Variants in PARD3B observed in about 807,000 individuals in gnomAD.
PARD3B encodes the protein partitioning defective 3 homolog B.
Under a neutral mutation model 130.2 loss-of-function variants are expected in PARD3B, and 103 were observed. That is an observed-to-expected ratio of 0.79 (90% CI 0.67 to 0.93). The LOEUF is 0.93. PARD3B is among the 40% of genes least tolerant of loss of function. PARD3B has a pLI of 0.00. For missense variants in PARD3B, 1,609 were observed against 1,499.2 expected, an observed-to-expected ratio of 1.07 and a Z score of -1.21; for synonymous variants, 583 against 553.2, an observed-to-expected ratio of 1.05 and a Z score of -0.76.
chr2:205,082,802 T>C (rs1263203451), intron 4 of PARD3B, among the ~76,000 whole-genome samples: 1 of 152,186 alleles, frequency 6.6e-6, no homozygotes, highest in Non-Finnish European at 1.5e-5. Context: ...GCCAATAAAT[T>C]TGAAGCCTTT....
At chr2:204,812,171 A>C (rs1375697703) in intron 2 of PARD3B, among the ~76,000 whole-genome samples, 1 of 152,204 alleles carries the variant, frequency 6.6e-6, no homozygotes, top group Non-Finnish European at 1.5e-5. Context: ...AATTATTTTG[A>C]GATTTAATGA....
In PARD3B at chr2:205,287,781, C is replaced by T. The variant is rs1325387734; in HGVS notation, c.2186-12749C>T. On this transcript the variant is annotated intron_variant, in intron 16 of 22. Transcript: ENST00000406610. The surrounding 1 kb of genome is among the most constrained non-coding windows in gnomAD (Gnocchi z 4.8). ...ACTCTTGCTGTTTCTCTGTGCGCTT[C>T]TCTGAGGTAGAGTAAAGCAAGTGTT... Among the ~76,000 whole-genome samples the T allele has an allele frequency of 1.3e-5, 2 of 152,148 alleles. No homozygotes were observed. The highest frequency in any genetic ancestry group is 2.9e-5 in the Non-Finnish European group (2 of 68,030).
At chr2:205,522,910 G>C (rs181942997) in intron 21 of PARD3B, among the ~76,000 whole-genome samples, 122 of 152,056 alleles carry the variant, frequency 8.0e-4, no homozygotes, top group African/African-American at 2.8e-3. Flanking sequence ...TAATTATATT[G>C]TTTTTGATAT....
At chr2:205,119,310 G>A (rs377169583) in intron 7 of PARD3B, among the ~76,000 whole-genome samples, 10 of 151,984 alleles carry the variant, frequency 6.6e-5, no homozygotes, top group Non-Finnish European at 1.3e-4. Context: ...GTCGTTGAAC[G>A]GGTTTGTTTT....
At chr2:205,394,090 A>G (rs755970962) in intron 18 of PARD3B, among the ~76,000 whole-genome samples, 1 of 152,156 alleles carries the variant, frequency 6.6e-6, no homozygotes, top group Non-Finnish European at 1.5e-5. Flanking sequence ...TGCATTGGCT[A>G]TTGTGATGTG....
chr2:205,564,888 A>T lies in PARD3B; in HGVS notation c.3260+11485A>T, dbSNP rs2053266830. Among the ~76,000 whole-genome samples the T allele has an allele frequency of 6.6e-6, 1 of 152,192 alleles. No individual in the cohort carries two copies. Among genetic ancestry groups the T allele is most frequent in the Non-Finnish European group, 1.5e-5 (1 of 68,038 alleles). ...CTGCTTCTATTCCAAGTCTCTCATT[A>T]AGCCTAGACAGAAGTGACCAGGGCT... is the stretch of plus-strand genomic sequence containing the variant. On this transcript the variant is annotated intron_variant, in intron 22 of 22. Coordinates refer to ENST00000406610, the MANE Select transcript of PARD3B (RefSeq NM_001302769.2). This position sits in a 1 kb window ranked among gnomAD's most constrained non-coding sequence, Gnocchi z 4.6.
Position 205,230,722 on chromosome 2 carries a change from T to A in PARD3B, c.2141-15056T>A, listed in dbSNP as rs777645031. ...AGACTTGCCCAGTAATTGCAGTCCT[T>A]AGGGCCTAGACTACCTTTCAAGTCT... On this transcript the variant is annotated intron_variant, in intron 15 of 22. Transcript: ENST00000406610. The surrounding 1 kb of genome is among the most constrained non-coding windows in gnomAD (Gnocchi z 4.1). 6.6e-6 allele frequency among the ~76,000 whole-genome samples: 1 copy of A among 152,132 alleles called. No individual in the cohort carries two copies. Among genetic ancestry groups the A allele is most frequent in the Non-Finnish European group, 1.5e-5 (1 of 68,030 alleles).
intron 10 of PARD3B, among the ~76,000 whole-genome samples, chr2:205,154,155 A>G (rs1394443348): frequency 2.0e-5 from 3 of 151,764 alleles, no homozygotes; most frequent in Non-Finnish European, 4.4e-5. Context: ...CATCTGACAA[A>G]GGGCTAATAT....
chr2:205,255,352 A>C (rs2040035688), intron 16 of PARD3B, among the ~76,000 whole-genome samples: 1 of 152,170 alleles, frequency 6.6e-6, no homozygotes, highest in African/African-American at 2.4e-5. Flanking sequence ...ACAACACAGA[A>C]TACTAAGCAC....
intron 2 of PARD3B, among the ~76,000 whole-genome samples, chr2:204,876,386 C>A (rs187570900): frequency 3.3e-5 from 5 of 152,074 alleles, no homozygotes; most frequent in Non-Finnish European, 7.4e-5. Context: ...TAGAGCAAAT[C>A]AAATTTTTCC....
At chr2:205,398,960 A>G (rs1022953557) in intron 18 of PARD3B, among the ~76,000 whole-genome samples, 3 of 152,110 alleles carry the variant, frequency 2.0e-5, no homozygotes, top group Non-Finnish European at 4.4e-5. Context: ...CGGCCCATAC[A>G]TGTATAATTT....
intron 2 of PARD3B, among the ~76,000 whole-genome samples, chr2:204,868,196 C>T (rs1048207463): frequency 6.6e-6 from 1 of 152,138 alleles, no homozygotes; most frequent in Admixed American, 6.6e-5. Flanking sequence ...AGGGACTGTG[C>T]TTAACTGTCA....
At chr2:204,572,498 T>C (rs905557645) in intron 1 of PARD3B, among the ~76,000 whole-genome samples, 2 of 152,222 alleles carry the variant, frequency 1.3e-5, no homozygotes, top group Non-Finnish European at 2.9e-5. Flanking sequence ...TAATTGCTGT[T>C]CATGATGATA....
At chr2:205,555,304 T>C (rs935519006) in intron 22 of PARD3B, among the ~76,000 whole-genome samples, 1 of 152,190 alleles carries the variant, frequency 6.6e-6, no homozygotes, top group East Asian at 1.9e-4. Flanking sequence ...TCACCTAGTA[T>C]GTACCAGGCC....
intron 2 of PARD3B, among the ~76,000 whole-genome samples, chr2:204,804,339 C>T (rs909590754): frequency 4.6e-5 from 7 of 151,962 alleles, no homozygotes; most frequent in African/African-American, 1.7e-4. Context: ...CAAAAAAGAA[C>T]AGGAATAGCT....
chr2:204,929,737 C>T (rs985503477), intron 2 of PARD3B, among the ~76,000 whole-genome samples: 1 of 151,178 alleles, frequency 6.6e-6, no homozygotes, highest in Admixed American at 6.6e-5. Context: ...TCCCTTACCC[C>T]CTGCCAAGAA....
chr2:205,494,338 G>A (rs115429271), intron 20 of PARD3B, among the ~76,000 whole-genome samples: 101 of 152,290 alleles, frequency 6.6e-4, no homozygotes, highest in African/African-American at 2.4e-3. Context: ...TTTGGTGGTA[G>A]TGACCACCTC....
At chr2:204,657,171 A>G (rs1224601629) in intron 1 of PARD3B, among the ~76,000 whole-genome samples, 2 of 152,222 alleles carry the variant, frequency 1.3e-5, no homozygotes, top group African/African-American at 4.8e-5. Flanking sequence ...GGAGAAAGAG[A>G]GGAAACTACT....
At chr2:205,058,560 T>C (rs1699873819) in intron 4 of PARD3B, among the ~76,000 whole-genome samples, 1 of 151,978 alleles carries the variant, frequency 6.6e-6, no homozygotes, top group Non-Finnish European at 1.5e-5. Context: ...CCCACCAACA[T>C]TGCACAAGAG....
Sources: gnomAD v4.1 joint callset for allele counts (sites outside exome capture counted in the v4.1 genomes callset) on GRCh38, gnomAD v4.1.1 for gene constraint, Gnocchi (gnomAD v3.1) non-coding constraint, MANE v1.5 for transcripts, NCBI Gene and HGNC (gene_info 2026-07-23, HGNC 2026-07-21) for gene names.